SLC39A8: variants seen among roughly 807,000 people sequenced by gnomAD.
The protein encoded by SLC39A8 is metal cation symporter ZIP8.
Under a neutral mutation model 40.4 loss-of-function variants are expected in SLC39A8, and 15 were observed. That is an observed-to-expected ratio of 0.37 (90% confidence interval 0.25 to 0.57). The LOEUF is 0.57. Ranked by LOEUF, SLC39A8 falls within the 20% of genes least tolerant of loss-of-function variation. SLC39A8 has a pLI of 0.75. For missense variants in SLC39A8, 472 were observed against 558.8 expected (o/e 0.84, Z 1.57); for synonymous variants, 223 against 221.6 (o/e 1.01, Z -0.06).
In SLC39A8 at chr4:102,304,951, G is replaced by A. The variant is rs772019627; in HGVS notation, c.675+38C>T. On this transcript the variant is annotated intron_variant, in intron 5 of 8. Transcript: ENST00000356736. ...TTTGCCTATATAAAGTAGCTTTAGG[G>A]GGTAAAATATTGGATGTTTTAAATA... 26 of 1,550,762 alleles carry A rather than the reference G, an allele frequency of 1.7e-5. No homozygotes were observed. The African/African-American group carries it at 3.5e-4, about 21-fold the overall frequency.
At position 102,262,035 on chromosome 4, in the gene SLC39A8, A is replaced by G; in HGVS notation, c.*1009T>C. 5 of 985,944 alleles carry G rather than the reference A, an allele frequency of 5.1e-6. No homozygotes were observed. Among genetic ancestry groups the G allele is most frequent in the Non-Finnish European group, 6.0e-6 (5 of 829,898 alleles). The allele number at this position is 985,944 out of a possible 1,614,324, so 61.1% of individuals were successfully genotyped here. A position where few individuals can be genotyped will look rare whatever the true frequency, so the allele number is the denominator to read the frequency against. On this transcript the variant is annotated 3_prime_UTR_variant, in exon 9 of 9. Transcript: ENST00000356736. ...TATGGAAAAGTATAGGCTGAACACA[A>G]AGGAAGTCTTTTCTGAATGGCTCTC...
At chr4:102,315,866 A>G (rs746696486) in intron 2 of SLC39A8, 36 bp from the exon 3 acceptor site, 4 of 1,573,440 alleles carry the variant, frequency 2.5e-6, no homozygotes, top group Non-Finnish European at 2.6e-6. Flanking sequence ...ATGTGATAAT[A>G]ATGTGTAAAA....
At chr4:102,323,358 G>A (rs1353504586) in intron 2 of SLC39A8, among the ~76,000 whole-genome samples, 4 of 152,150 alleles carry the variant, frequency 2.6e-5, no homozygotes, top group Non-Finnish European at 5.9e-5. Context: ...AAACAGATAA[G>A]CAAATAAAAA....
chr4:102,253,191 A>G (rs1420964285), exon 12 of SLC39A8: 11 of 397,440 alleles, frequency 2.8e-5, no homozygotes, highest in Admixed American at 9.0e-5. Context: ...GGGGAACACA[A>G]TTAGAAACAA....
At chr4:102,315,132 C>T (rs754952361) in intron 3 of SLC39A8, among the ~76,000 whole-genome samples, 1 of 152,080 alleles carries the variant, frequency 6.6e-6, no homozygotes, top group Non-Finnish European at 1.5e-5. Flanking sequence ...TGCATCAGAT[C>T]ATACCGTTAA....
chr4:102,258,602 T>G (rs1385030883), downstream of SLC39A8, among the ~76,000 whole-genome samples: 2 of 152,336 alleles, frequency 1.3e-5, no homozygotes, highest in East Asian at 3.9e-4. Context: ...CTCCCCACTG[T>G]TCACTAATTG....
intron 6 of SLC39A8, among the ~76,000 whole-genome samples, chr4:102,302,769 A>T (rs1560548289): frequency 6.6e-6 from 1 of 152,020 alleles, no homozygotes; most frequent in Non-Finnish European, 1.5e-5. Context: ...GTTATTAGGA[A>T]GATCAAATGA....
chr4:102,307,401 A>AGCC, intron 4 of SLC39A8, 35 bp downstream of exon 4: 1 of 1,602,102 alleles, frequency 6.2e-7, no homozygotes, highest in Non-Finnish European at 8.5e-7. Flanking sequence ...CAAAAGAAAC[A>AGCC]ATTATTCACA....
At chr4:102,290,330 A>G (rs982078974) in intron 6 of SLC39A8, among the ~76,000 whole-genome samples, 1 of 152,128 alleles carries the variant, frequency 6.6e-6, no homozygotes, top group Non-Finnish European at 1.5e-5. Context: ...ACCAGAAATC[A>G]TGTGACCTGC....
chr4:102,286,553 C>T (rs1236549409), intron 6 of SLC39A8, among the ~76,000 whole-genome samples: 11 of 151,806 alleles, frequency 7.2e-5, no homozygotes, highest in African/African-American at 2.4e-4. Flanking sequence ...GGCGAGATAA[C>T]GGTAGAGGTT....
At chr4:102,303,917 C>T (rs1189253613) in intron 6 of SLC39A8, among the ~76,000 whole-genome samples, 1 of 151,728 alleles carries the variant, frequency 6.6e-6, no homozygotes, top group East Asian at 1.9e-4. Flanking sequence ...TTAATAAAAA[C>T]AATTTTAATA....
intron 4 of SLC39A8, among the ~76,000 whole-genome samples, chr4:102,305,801 T>C (rs1734145462): frequency 1.3e-5 from 2 of 151,982 alleles, no homozygotes; most frequent in South Asian, 4.1e-4. Flanking sequence ...AGTCAAGATG[T>C]TCCTAACAGA....
downstream of SLC39A8, among the ~76,000 whole-genome samples, chr4:102,258,796 T>A (rs1731772483): frequency 6.6e-6 from 1 of 152,222 alleles, no homozygotes; most frequent in African/African-American, 2.4e-5. Flanking sequence ...AAGTGATGTA[T>A]TCTAGTTCTC....
chr4:102,292,148 T>C (rs11938533), intron 6 of SLC39A8, among the ~76,000 whole-genome samples: 3,068 of 152,086 alleles, frequency 0.02, 100 homozygotes, highest in African/African-American at 0.068. Flanking sequence ...TAGTTAATGA[T>C]AGCATAATGT....
intron 2 of SLC39A8, among the ~76,000 whole-genome samples, chr4:102,320,191 G>GTATATATATGTATA (rs1734856544): frequency 1.5e-5 from 1 of 66,550 alleles, no homozygotes; most frequent in African/African-American, 5.4e-5. Context: ...ATATATATAT[G>GTATATATATGTATA]TATATATATA....
chr4:102,294,075 A>G (rs897062907), intron 6 of SLC39A8, among the ~76,000 whole-genome samples: 1 of 152,058 alleles, frequency 6.6e-6, no homozygotes, highest in African/African-American at 2.4e-5. Context: ...ATATACAAAA[A>G]TAAATTAAAC....
In SLC39A8 at chr4:102,315,060, C is replaced by A. The variant is rs550891760; in HGVS notation, c.382+608G>T. Among the ~76,000 whole-genome samples, 6 of 152,246 alleles carry A rather than the reference C, an allele frequency of 3.9e-5. No homozygotes were observed. The East Asian group carries it at 1.2e-3, about 29-fold the overall frequency. On this transcript the variant is annotated intron_variant, in intron 3 of 8. Coordinates refer to ENST00000356736, the MANE Select transcript of SLC39A8 (RefSeq NM_001135146.2). ...CATTGGTGAAAGTGACCCTTCTACA[C>A]ATTTAAGCATGTGAGCTGTATATTA...
At chr4:102,315,958 G>A (rs1272690048) in intron 2 of SLC39A8, 128 bp from the exon 3 acceptor site, 7 of 670,120 alleles carry the variant, frequency 1.0e-5, no homozygotes, top group South Asian at 5.2e-5. Context: ...GCCCACCACA[G>A]AAATTGAAAG....
At chr4:102,289,834 G>C (rs1733342849) in intron 6 of SLC39A8, among the ~76,000 whole-genome samples, 1 of 152,168 alleles carries the variant, frequency 6.6e-6, no homozygotes, top group Non-Finnish European at 1.5e-5. Context: ...AAACAAAGTG[G>C]TTTCTTGAAA....
Sources: gnomAD v4.1 joint callset for allele counts (sites outside exome capture counted in the v4.1 genomes callset) on GRCh38, gnomAD v4.1.1 for gene constraint, MANE v1.5 for transcripts, NCBI Gene and HGNC (gene_info 2026-07-23, HGNC 2026-07-21) for gene names.